The following FAM76B variants were observed in gnomAD, a reference collection of about 807,000 sequenced individuals.
FAM76B encodes family with sequence similarity 76 member B.
A neutral mutation model predicts 51.8 loss-of-function variants in FAM76B; 16 were observed. The observed-to-expected ratio is 0.31, with a 90% CI of 0.21 to 0.47. The LOEUF is 0.47. FAM76B is among the 20% of genes least tolerant of loss of function. The pLI is 1.00. For synonymous variants in FAM76B, 166 were observed against 129.5 expected (o/e 1.28, Z -1.91); for missense variants, 342 against 392.6 (o/e 0.87, Z 1.09).
intron 7 of FAM76B, chr11:95,779,232 T>C (rs1176558479): frequency 1.8e-6 from 2 of 1,112,408 alleles, no homozygotes; most frequent in African/African-American, 3.1e-5. Context: ...AGCAAACTTT[T>C]GGCTAATGAA....
intron 2 of FAM76B, 109 bp from the exon 3 acceptor site, chr11:95,787,787 G>T: frequency 3.4e-6 from 3 of 874,298 alleles, no homozygotes; most frequent in Non-Finnish European, 5.2e-6. Flanking sequence ...ACTTTAATAA[G>T]GACCACGGAT....
In FAM76B at chr11:95,783,314, A is replaced by C. The variant is rs757585144; in HGVS notation, c.364-50T>G. ...AATGTACCCATATAAACTGGCTGTA[A>C]ACGAAACCAGGTAAGATAAACCACT... On this transcript the variant is annotated intron_variant, in intron 4 of 9. Coordinates refer to ENST00000358780, the MANE Select transcript of FAM76B (RefSeq NM_144664.5). 5 of 1,552,924 alleles carry C rather than the reference A, an allele frequency of 3.2e-6. No individual in the cohort carries two copies. In the Admixed American group the frequency reaches 8.7e-5, roughly 27 times the overall value.
At chr11:95,778,441 T>C (rs773570802) in intron 8 of FAM76B, among the ~76,000 whole-genome samples, 16 of 151,548 alleles carry the variant, frequency 1.1e-4, no homozygotes, top group Non-Finnish European at 1.8e-4. Flanking sequence ...AATATATGAC[T>C]GGATTGATAC....
chr11:95,787,715 G>A, intron 2 of FAM76B, 37 bp from the exon 3 acceptor site: 1 of 1,509,182 alleles, frequency 6.6e-7, no homozygotes, highest in Non-Finnish European at 9.1e-7. Flanking sequence ...TGTTTATGTA[G>A]CTTTCTAAAG....
At chr11:95,783,384 A>G in intron 4 of FAM76B, 120 bp from the exon 5 acceptor site, 1 of 720,686 alleles carries the variant, frequency 1.4e-6, no homozygotes, top group Non-Finnish European at 2.3e-6. Flanking sequence ...AAATGCATGT[A>G]TGCACATATT....
chr11:95,788,575 C>T lies in FAM76B; in HGVS notation c.88-12G>A, dbSNP rs1019069940. ...GCAATCCGACATTCCTGTAATAAGA[C>T]AATACATTAGTCAGTATCTTTCTGA... On this transcript the variant is annotated splice_polypyrimidine_tract_variant and intron_variant, in intron 1 of 9. Coordinates refer to ENST00000358780, the MANE Select transcript of FAM76B (RefSeq NM_144664.5). The T allele has an allele frequency of 6.2e-7, 1 of 1,606,536 alleles. No homozygotes were observed. Among genetic ancestry groups the T allele is most frequent in the Non-Finnish European group, 8.5e-7 (1 of 1,174,914 alleles).
In FAM76B at chr11:95,783,106, G is replaced by A. The variant is rs776288260; in HGVS notation, c.522C>T (p.His174=). Reference sequence around the variant, plus strand: ...TGTGACGATGGTGATGGTGATGATGGTGGTGATGATGTTTTGGATGATGCT... The same window carrying A: ...TGTGACGATGGTGATGGTGATGATGATGGTGATGATGTTTTGGATGATGCT... ...KDQHHPKHHH[H]HHHHHHRHSS... is the part of the protein sequence containing the mutation. The change falls in exon 5 of 10, where the codon CAC becomes CAT. Residue 174 remains histidine (H), a synonymous_variant. Transcript: ENST00000358780. The A allele has an allele frequency of 6.2e-7, 1 of 1,612,726 alleles. No homozygotes were observed. Among genetic ancestry groups the A allele is most frequent in the Non-Finnish European group, 8.5e-7 (1 of 1,179,020 alleles).
rs1456522897 is a variant in FAM76B at position 95,789,645 on chromosome 11, C to T, written c.-167G>A. 1.8e-5 allele frequency: 10 copies of T among 541,654 alleles called. No homozygotes were observed. Among genetic ancestry groups the T allele is most frequent in the South Asian group, 7.5e-5 (3 of 40,254 alleles). The allele number at this position is 541,654 out of a possible 1,614,324, so 33.6% of individuals were successfully genotyped here. ...GAGCCCAGGGCCCCGCGGACGACGC[C>T]ACCGTCTCCCTCCGCCTCCACTTCC... On this transcript the variant is annotated 5_prime_UTR_variant, in exon 1 of 10. Coordinates refer to ENST00000358780, the MANE Select transcript of FAM76B (RefSeq NM_144664.5).
rs902005669 is a variant in FAM76B at position 95,789,531 on chromosome 11, C to T, written c.-53G>A. On this transcript the variant is annotated 5_prime_UTR_variant, in exon 1 of 10. Transcript: ENST00000358780. ...CCGCCCGCTCCGAGGCGGGGCCCTACGGAGAACCCGAGAGCCGCCGCCGCC... is the reference window on the plus strand; with the variant it reads ...CCGCCCGCTCCGAGGCGGGGCCCTATGGAGAACCCGAGAGCCGCCGCCGCC... 9 of 1,524,840 alleles carry T rather than the reference C, an allele frequency of 5.9e-6. No individual in the cohort carries two copies. In the African/African-American group the frequency reaches 1.1e-4, roughly 19 times the overall value. The allele number at this position is 1,524,840 out of a possible 1,614,324, so 94.5% of individuals were successfully genotyped here.
At chr11:95,776,316 C>T (rs1284412828) in intron 8 of FAM76B, among the ~76,000 whole-genome samples, 4 of 150,988 alleles carry the variant, frequency 2.6e-5, no homozygotes, top group Non-Finnish European at 5.9e-5. Flanking sequence ...GGTATGCCAA[C>T]GAAAAAAGCT....
intron 2 of FAM76B, 148 bp downstream of exon 2, chr11:95,788,351 A>G: frequency 1.5e-6 from 1 of 651,364 alleles, no homozygotes; most frequent in Non-Finnish European, 2.6e-6. Flanking sequence ...TCTCTCTCCC[A>G]CCATGTATAA....
At chr11:95,782,623 TAAC>T (rs1205496074) in intron 5 of FAM76B, among the ~76,000 whole-genome samples, 2 of 152,188 alleles carry the variant, frequency 1.3e-5, no homozygotes, top group Admixed American at 1.3e-4. Context: ...TCTATCATAG[TAAC>T]AAATTATAGT....
At chr11:95,782,905 A>G (rs1240306967) in intron 5 of FAM76B, among the ~76,000 whole-genome samples, 160 bp downstream of exon 5, 1 of 152,206 alleles carries the variant, frequency 6.6e-6, no homozygotes, top group Non-Finnish European at 1.5e-5. Flanking sequence ...AACATTCTAC[A>G]CTGAATAAAA....
rs1487274600 is a variant in FAM76B, at chr11:95,789,683, C to G, written c.-205G>C. 3.9e-6 allele frequency: 2 copies of G among 511,698 alleles called. No homozygotes were observed. The highest frequency in any genetic ancestry group is 4.1e-5 in the Admixed American group (1 of 24,240). The allele number at this position is 511,698 out of a possible 1,614,324, so 31.7% of individuals were successfully genotyped here. A position where few individuals can be genotyped will look rare whatever the true frequency, so the allele number is the denominator to read the frequency against. ...CGCCTCCACTTCCGCCCCAGCCCAC[C>G]CAGTGACGCCGTGCCAGCCGCTCCC... On this transcript the variant is annotated 5_prime_UTR_variant, in exon 1 of 10. Transcript: ENST00000358780.
In FAM76B at chr11:95,788,492, T is replaced by C; in HGVS notation, c.152+7A>G. ...TTTAACAGTCAAAAACTATTCAGTA[T>C]ACAAACCTCTCTTGTTGAAATTCTG... On this transcript the variant is annotated splice_region_variant and intron_variant, in intron 2 of 9. Transcript: ENST00000358780. The C allele has an allele frequency of 2.5e-6, 4 of 1,607,976 alleles. No homozygotes were observed. Among genetic ancestry groups the C allele is most frequent in the Non-Finnish European group, 1.7e-6 (2 of 1,175,176 alleles).
intron 4 of FAM76B, among the ~76,000 whole-genome samples, chr11:95,785,515 C>G (rs776512199): frequency 7.9e-5 from 12 of 152,164 alleles, no homozygotes; most frequent in Admixed American, 1.3e-4. Context: ...ACCAGACATG[C>G]TGGAGGGACA....
chr11:95,788,634 G>C lies in FAM76B; in HGVS notation c.88-71C>G, dbSNP rs1860750951. On this transcript the variant is annotated intron_variant, in intron 1 of 9. Coordinates refer to ENST00000358780, the MANE Select transcript of FAM76B (RefSeq NM_144664.5). ...AATCTCACTTTTCTGGTAGAAAACT[G>C]TTTACCCAACCTAGTGAAAGTCTAA... 7 of 1,461,374 alleles carry C rather than the reference G, an allele frequency of 4.8e-6. No individual in the cohort carries two copies. The Admixed American group carries it at 1.1e-4, about 23-fold the overall frequency. 90.5% of individuals were successfully genotyped at this position (1,461,374 alleles called of 1,614,324 possible).
At chr11:95,782,647 G>A (rs1245474886) in intron 5 of FAM76B, among the ~76,000 whole-genome samples, 1 of 151,998 alleles carries the variant, frequency 6.6e-6, no homozygotes, top group Non-Finnish European at 1.5e-5. Flanking sequence ...ATTAAAATAT[G>A]TTCTCCAAAC....
At chr11:95,774,118 A>G (rs1001437301) in intron 9 of FAM76B, among the ~76,000 whole-genome samples, 17 of 151,308 alleles carry the variant, frequency 1.1e-4, no homozygotes, top group Non-Finnish European at 2.4e-4. Flanking sequence ...GCCTGATAGG[A>G]AGGATGAAAT....
Sources: allele counts gnomAD v4.1 joint callset (sites outside exome capture counted in the v4.1 genomes callset), GRCh38; gene constraint gnomAD v4.1.1; transcripts MANE v1.5; gene names NCBI Gene and HGNC (gene_info 2026-07-23, HGNC 2026-07-21).